GFRA1: variants seen among roughly 807,000 people sequenced by gnomAD.
GFRA1 encodes the protein GDNF family receptor alpha 1, also known as GDNF family receptor alpha-1.
A neutral mutation model predicts 51.6 loss-of-function variants in GFRA1; 16 were observed. The ratio of observed to expected loss-of-function variants is 0.31; its 90% CI spans 0.21 to 0.47. The LOEUF (loss-of-function observed/expected upper bound fraction) is 0.47, where lower values mean the gene tolerates loss of function less well. Ranked by LOEUF, GFRA1 falls within the 20% of genes least tolerant of loss-of-function variation. The pLI is 1.00. For synonymous variants in GFRA1, 270 were observed against 241.3 expected (o/e 1.12, Z -1.10); for missense variants, 530 against 594.3 (o/e 0.89, Z 1.13).
At chr10:116,168,699 T>G (rs1960737923) in intron 5 of GFRA1, among the ~76,000 whole-genome samples, 2 of 152,206 alleles carry the variant, frequency 1.3e-5, no homozygotes, top group South Asian at 2.1e-4. Flanking sequence ...GAGCTTCCCC[T>G]TCCCACCGTC....
intron 4 of GFRA1, among the ~76,000 whole-genome samples, chr10:116,214,325 C>A (rs1238297478): frequency 1.3e-5 from 2 of 152,150 alleles, no homozygotes; most frequent in African/African-American, 2.4e-5. Flanking sequence ...TTTATATAGA[C>A]CATGAGCTCC....
At chr10:116,241,355 A>G (rs1967359068) in intron 4 of GFRA1, among the ~76,000 whole-genome samples, 1 of 151,986 alleles carries the variant, frequency 6.6e-6, no homozygotes, top group Admixed American at 6.5e-5. Context: ...GCTTTGGAGA[A>G]CCGAATCTGT....
At position 116,070,336 on chromosome 10, in the gene GFRA1, G is replaced by A. The variant is rs574820827; in HGVS notation, c.1198-4710C>T. Reference sequence around the variant, plus strand: ...GCATCTATCACACTTGTCAATACCCGTTTATTAGCATACAAGTCTCTTCTG... The same window carrying A: ...GCATCTATCACACTTGTCAATACCCATTTATTAGCATACAAGTCTCTTCTG... On this transcript the variant is annotated intron_variant, in intron 9 of 10. Transcript: ENST00000355422. Among the ~76,000 whole-genome samples, 7 of 152,250 alleles carry A rather than the reference G, an allele frequency of 4.6e-5. 1 individual carries two copies. In the East Asian group the frequency reaches 7.7e-4, roughly 17 times the overall value.
intron 5 of GFRA1, among the ~76,000 whole-genome samples, chr10:116,192,008 C>G (rs1189271024): frequency 1.3e-5 from 2 of 152,130 alleles, no homozygotes; most frequent in African/African-American, 4.8e-5. Flanking sequence ...GCCTCGGGGA[C>G]AAGAGTGAGA....
chr10:116,112,882 G>A (rs536459888), intron 6 of GFRA1, among the ~76,000 whole-genome samples: 11 of 152,206 alleles, frequency 7.2e-5, no homozygotes, highest in African/African-American at 9.6e-5. Context: ...GTGGCTAAAC[G>A]AGCTGGGCGC....
chr10:116,234,182 G>T (rs954764053), intron 4 of GFRA1, among the ~76,000 whole-genome samples: 13 of 152,198 alleles, frequency 8.5e-5, no homozygotes, highest in Non-Finnish European at 1.8e-4. Context: ...ATAGCTAGAA[G>T]AGTTTGCCTT....
intron 5 of GFRA1, among the ~76,000 whole-genome samples, chr10:116,155,685 A>G (rs1959186056): frequency 6.6e-6 from 1 of 152,208 alleles, no homozygotes; most frequent in Non-Finnish European, 1.5e-5. Context: ...GGAAAATGGG[A>G]AGGAGCACAA....
At chr10:116,225,593 C>T (rs2134525427) in intron 4 of GFRA1, among the ~76,000 whole-genome samples, 1 of 107,838 alleles carries the variant, frequency 9.3e-6, no homozygotes, top group Admixed American at 1.0e-4. Context: ...CTGTGTGAAA[C>T]TAATTTTTTT....
chr10:116,167,993 G>A (rs941119056), intron 5 of GFRA1, among the ~76,000 whole-genome samples: 1 of 152,018 alleles, frequency 6.6e-6, no homozygotes. Context: ...TATTGGGTAC[G>A]GTGTACACTG....
intron 8 of GFRA1, among the ~76,000 whole-genome samples, chr10:116,091,361 A>T (rs548352430): frequency 6.6e-6 from 1 of 152,222 alleles, no homozygotes; most frequent in African/African-American, 2.4e-5. Flanking sequence ...GCAGGCAAAT[A>T]AGTGAAATAT....
intron 4 of GFRA1, among the ~76,000 whole-genome samples, chr10:116,238,813 T>C (rs1021950377): frequency 6.6e-6 from 1 of 152,230 alleles, no homozygotes; most frequent in African/African-American, 2.4e-5. Context: ...TCATTTTTTT[T>C]AAATGCTACA....
At chr10:116,101,678 A>C (rs1956820880) in intron 6 of GFRA1, among the ~76,000 whole-genome samples, 1 of 152,180 alleles carries the variant, frequency 6.6e-6, no homozygotes, top group Non-Finnish European at 1.5e-5. Context: ...AGGTAAAAAC[A>C]TACCAGTAAT....
rs539151198 is a variant in GFRA1 at position 116,236,400 on chromosome 10, C to T, written c.419-24755G>A. 9.9e-5 allele frequency among the ~76,000 whole-genome samples: 15 copies of T among 152,234 alleles called. No individual in the cohort carries two copies. The South Asian group carries it at 2.3e-3, about 23-fold the overall frequency. ...CTCAAAAAGGTTACCAGGACTTTCT[C>T]ATATGCAAAAGCAGAAAAGTTCTAT... On this transcript the variant is annotated intron_variant, in intron 4 of 10. Transcript: ENST00000355422.
At chr10:116,201,816 C>T (rs75492177) in intron 5 of GFRA1, among the ~76,000 whole-genome samples, 3,518 of 152,190 alleles carry the variant, frequency 0.023, 52 homozygotes, top group South Asian at 0.034. Flanking sequence ...ACTGTCCCCA[C>T]CCCCCTCACC....
At chr10:116,268,703 GC>G (rs1290991024) in intron 4 of GFRA1, among the ~76,000 whole-genome samples, 1 of 152,024 alleles carries the variant, frequency 6.6e-6, no homozygotes, top group East Asian at 1.9e-4. Context: ...ATTTGTGGTG[GC>G]TATATATACT....
intron 6 of GFRA1, among the ~76,000 whole-genome samples, chr10:116,100,459 C>G (rs1168234506): frequency 2.6e-5 from 4 of 152,200 alleles, no homozygotes; most frequent in Non-Finnish European, 2.9e-5. Context: ...CTGCACTTAA[C>G]AGGTGCATCG....
rs1281607923 is a variant in GFRA1, at chr10:116,240,340, C to G, written c.419-28695G>C. Reference sequence around the variant, plus strand: ...GGCTGAACTTCATCCTAGCTTCACCCTTCCTGTAGCTCAGCTGGCGCTCCA... The same window carrying G: ...GGCTGAACTTCATCCTAGCTTCACCGTTCCTGTAGCTCAGCTGGCGCTCCA... On this transcript the variant is annotated intron_variant, in intron 4 of 10. Transcript: ENST00000355422. 2.0e-5 allele frequency among the ~76,000 whole-genome samples: 3 copies of G among 152,274 alleles called. No individual in the cohort carries two copies. In the East Asian group the frequency reaches 5.8e-4, roughly 30 times the overall value.
intron 6 of GFRA1, among the ~76,000 whole-genome samples, chr10:116,117,613 A>ATGGG (rs1279995658): frequency 1.9e-4 from 29 of 150,188 alleles, no homozygotes; most frequent in Non-Finnish European, 3.5e-4. Flanking sequence ...GGATGGGTGG[A>ATGGG]TGGATAGATA....
At chr10:116,200,938 A>G (rs1484768497) in intron 5 of GFRA1, among the ~76,000 whole-genome samples, 3 of 152,230 alleles carry the variant, frequency 2.0e-5, no homozygotes, top group East Asian at 3.9e-4. Context: ...ACAGTAAGTC[A>G]GTTAGTTAGC....
Sources: gnomAD v4.1 joint callset for allele counts (sites outside exome capture counted in the v4.1 genomes callset) on GRCh38, gnomAD v4.1.1 for gene constraint, MANE v1.5 for transcripts, NCBI Gene and HGNC (gene_info 2026-07-23, HGNC 2026-07-21) for gene names.